ARHGEF10L: variants seen among roughly 807,000 people sequenced by gnomAD.
ARHGEF10L encodes Rho guanine nucleotide exchange factor 10 like.
ARHGEF10L carries 69 observed loss-of-function variants against 141.2 expected under a neutral mutation model. The ratio of observed to expected loss-of-function variants is 0.49; its 90% confidence interval spans 0.40 to 0.60. The LOEUF (loss-of-function observed/expected upper bound fraction) is 0.60. Ranked by LOEUF, ARHGEF10L falls within the 20% of genes least tolerant of loss-of-function variation. The pLI, the probability that ARHGEF10L is intolerant of heterozygous loss-of-function variation, is 0.00. For missense variants in ARHGEF10L, 1,482 were observed against 1,734.3 expected, an observed-to-expected ratio of 0.85 and a Z score of 2.58; for synonymous variants, 711 against 718.5, an observed-to-expected ratio of 0.99 and a Z score of 0.17.
Position 17,638,691 on chromosome 1 carries a change from T to C in ARHGEF10L, c.2171+2T>C. The C allele has an allele frequency of 6.2e-7, 1 of 1,613,560 alleles. No homozygotes were observed. Among genetic ancestry groups the C allele is most frequent in the Non-Finnish European group, 8.5e-7 (1 of 1,179,922 alleles). On this transcript the variant is annotated splice_donor_variant, in intron 20 of 28. Transcript: ENST00000361221. LOFTEE classifies it high-confidence loss of function. ...CCTGCTTCCTGGGAAACCCGACAAG[T>C]GAGAGGAGGGGGTCTTGGAGGGAGG...
intron 27 of ARHGEF10L, among the ~76,000 whole-genome samples, chr1:17,689,470 CCTGCCTCCTTCCCCTACCTCCCTCT>C (rs2064889750): frequency 6.5e-5 from 1 of 15,294 alleles, no homozygotes; most frequent in Non-Finnish European, 1.3e-4. Flanking sequence ...TCCCTCCCTC[CCTGCCTCCTTCCCCTACCTCCCTCT>C]CTCCCTCCCT....
At chr1:17,536,547 A>G (rs1409848909), upstream of ARHGEF10L, among the ~76,000 whole-genome samples, 4 of 152,218 alleles carry the variant, frequency 2.6e-5, no homozygotes, top group African/African-American at 9.6e-5. Flanking sequence ...CAAGAGGGCA[A>G]GAATACGTGA....
rs567910244 is a variant in ARHGEF10L, at chr1:17,656,782, A to T, written c.2860+74A>T. On this transcript the variant is annotated intron_variant, in intron 25 of 28. Transcript: ENST00000361221. The surrounding 1 kb of genome is among the most constrained non-coding windows in gnomAD (Gnocchi z 4.9). ...TGGGTGCCAGATTCTCTACCAAGAGAGGATACAGGAGGCTGGGCAGGAATG... is the reference window on the plus strand; with the variant it reads ...TGGGTGCCAGATTCTCTACCAAGAGTGGATACAGGAGGCTGGGCAGGAATG... The T allele has an allele frequency of 1.7e-5, 26 of 1,507,924 alleles. No individual in the cohort carries two copies. Among genetic ancestry groups the T allele is most frequent in the Non-Finnish European group, 2.3e-5 (26 of 1,115,758 alleles). The allele number at this position is 1,507,924 out of a possible 1,614,324, so 93.4% of individuals were successfully genotyped here. A position where few individuals can be genotyped will look rare whatever the true frequency, so the allele number is the denominator to read the frequency against.
At chr1:17,557,155 C>T (rs1198575875) in intron 1 of ARHGEF10L, among the ~76,000 whole-genome samples, 1 of 151,558 alleles carries the variant, frequency 6.6e-6, no homozygotes, top group East Asian at 1.9e-4. Context: ...CCAGCCTGGG[C>T]AACATGGTGA....
At chr1:17,638,444 G>T (rs1344757848) in intron 19 of ARHGEF10L, 118 bp from the exon 20 acceptor site, 2 of 1,446,104 alleles carry the variant, frequency 1.4e-6, no homozygotes, top group African/African-American at 1.4e-5. Context: ...CCTCAGTGAG[G>T]CTCCAGGACT....
At chr1:17,690,555 A>T (rs1391145803) in intron 27 of ARHGEF10L, among the ~76,000 whole-genome samples, 2 of 152,256 alleles carry the variant, frequency 1.3e-5, no homozygotes, top group Non-Finnish European at 2.9e-5. Flanking sequence ...CAGCTGCATC[A>T]GTGCAGACAG....
intron 9 of ARHGEF10L, among the ~76,000 whole-genome samples, chr1:17,617,343 C>G (rs2059864687): frequency 6.6e-6 from 1 of 152,200 alleles, no homozygotes. Context: ...GAGTCCTGCC[C>G]CTGATCCCCT....
chr1:17,551,888 G>A (rs1013981571), intron 1 of ARHGEF10L, among the ~76,000 whole-genome samples: 7 of 152,220 alleles, frequency 4.6e-5, no homozygotes, highest in Admixed American at 2.6e-4. Context: ...CCCAGGGAGC[G>A]GCTCACTGGA....
rs150953538 is a variant in ARHGEF10L, at chr1:17,697,451, G to A, written c.*71G>A. On this transcript the variant is annotated 3_prime_UTR_variant, in exon 29 of 29. Transcript: ENST00000361221. The surrounding 1 kb of genome is among the most constrained non-coding windows in gnomAD (Gnocchi z 4.8). ...GGCCACGCCCGGCTCTCGTGCTCTAGGACCTGCACGGGACTTGTGGATGGG... is the reference window on the plus strand; with the variant it reads ...GGCCACGCCCGGCTCTCGTGCTCTAAGACCTGCACGGGACTTGTGGATGGG... 20 of 1,499,080 alleles carry A rather than the reference G, an allele frequency of 1.3e-5. No homozygotes were observed. In the East Asian group the frequency reaches 4.6e-4, roughly 35 times the overall value. 92.9% of individuals were successfully genotyped at this position (1,499,080 alleles called of 1,614,324 possible).
intron 25 of ARHGEF10L, among the ~76,000 whole-genome samples, chr1:17,664,060 A>G (rs887726047): frequency 1.3e-5 from 2 of 152,176 alleles, no homozygotes; most frequent in Admixed American, 1.3e-4. Flanking sequence ...GGCTTCCTAG[A>G]GGGCGAGACC....
intron 26 of ARHGEF10L, among the ~76,000 whole-genome samples, chr1:17,685,157 C>T (rs76987221): frequency 3.3e-5 from 5 of 152,310 alleles, no homozygotes; most frequent in East Asian, 1.9e-4. Flanking sequence ...TAAGCCCACG[C>T]GAGGTCTTCG....
intron 21 of ARHGEF10L, among the ~76,000 whole-genome samples, chr1:17,641,042 G>A (rs2061301276): frequency 2.0e-5 from 3 of 152,218 alleles, no homozygotes; most frequent in African/African-American, 7.2e-5. Flanking sequence ...GGGCAGATCT[G>A]GGCCGCAGAC....
intron 5 of ARHGEF10L, among the ~76,000 whole-genome samples, chr1:17,602,871 G>A (rs971647194): frequency 6.6e-6 from 1 of 151,940 alleles, no homozygotes; most frequent in Non-Finnish European, 1.5e-5. Flanking sequence ...GGTGGGGAAG[G>A]GTGGAGCCTG....
chr1:17,529,000 ATTTTGTTTTG>A, the ARHGEF10L span, among the ~76,000 whole-genome samples: 5 of 151,892 alleles, frequency 3.3e-5, no homozygotes, highest in Non-Finnish European at 7.4e-5. Context: ...GATTAAGATC[ATTTTGTTTTG>A]TTTTGTTTTT....
chr1:17,663,798 T>C (rs1005842338), intron 25 of ARHGEF10L, among the ~76,000 whole-genome samples: 24 of 152,262 alleles, frequency 1.6e-4, no homozygotes, highest in Non-Finnish European at 3.1e-4. Flanking sequence ...AGGGTAGAGA[T>C]GTGCTCAAGG....
At position 17,612,831 on chromosome 1, in the gene ARHGEF10L, C is replaced by G. The variant is rs556385643; in HGVS notation, c.610-227C>G. On this transcript the variant is annotated intron_variant, in intron 7 of 28. Coordinates refer to ENST00000361221, the MANE Select transcript of ARHGEF10L (RefSeq NM_018125.4). ...AGATTCCCTGCTGCAGAGACCCGGC[C>G]CCCAGCTGCCTGGCATGGTGGGGTT... 1.1e-3 allele frequency among the ~76,000 whole-genome samples: 160 copies of G among 152,326 alleles called. 2 individuals carry two copies. The highest frequency in any genetic ancestry group is 0.01 in the Admixed American group (157 of 15,298).
At chr1:17,631,586 T>C (rs1236225405) in intron 15 of ARHGEF10L, among the ~76,000 whole-genome samples, 1 of 152,230 alleles carries the variant, frequency 6.6e-6, no homozygotes, top group Non-Finnish European at 1.5e-5. Flanking sequence ...TAGTTGTCTA[T>C]GGAGCACACA....
chr1:17,586,998 T>C (rs1183827090), intron 2 of ARHGEF10L, among the ~76,000 whole-genome samples: 1 of 152,168 alleles, frequency 6.6e-6, no homozygotes, highest in Non-Finnish European at 1.5e-5. Flanking sequence ...GGCAGCTGTG[T>C]TTCATGCTGC....
chr1:17,612,791 C>T (rs1400561223), intron 7 of ARHGEF10L, among the ~76,000 whole-genome samples: 2 of 152,222 alleles, frequency 1.3e-5, no homozygotes, highest in Non-Finnish European at 2.9e-5. Context: ...TCCCGCCTCT[C>T]CGCCCCAGCA....
Sources: allele counts gnomAD v4.1 joint callset (sites outside exome capture counted in the v4.1 genomes callset), GRCh38; gene constraint gnomAD v4.1.1; non-coding constraint Gnocchi (gnomAD v3.1); transcripts MANE v1.5; gene names NCBI Gene and HGNC (gene_info 2026-07-23, HGNC 2026-07-21).